SMCO4: variants seen among roughly 807,000 people sequenced by gnomAD.
SMCO4 encodes single-pass membrane and coiled-coil domain-containing protein 4.
A neutral mutation model predicts 3.6 loss-of-function variants in SMCO4; 4 were observed. That is an observed-to-expected ratio of 1.11 (90% CI 0.54 to 2.53). SMCO4 has a LOEUF of 2.53. SMCO4 is among the 30% of genes most tolerant of loss of function. The pLI is 0.02. For synonymous variants in SMCO4, 36 were observed against 35.3 expected, an observed-to-expected ratio of 1.02 and a Z score of -0.07; for missense variants, 70 against 80.8, an observed-to-expected ratio of 0.87 and a Z score of 0.51.
intron 1 of SMCO4, among the ~76,000 whole-genome samples, chr11:93,528,154 G>A (rs1362388811): frequency 6.6e-6 from 1 of 152,008 alleles, no homozygotes; most frequent in African/African-American, 2.4e-5. Flanking sequence ...ATCCAGAGAT[G>A]ACCACTAAAA....
chr11:93,520,471 C>T (rs372618574), intron 1 of SMCO4, among the ~76,000 whole-genome samples: 44 of 152,326 alleles, frequency 2.9e-4, no homozygotes, highest in East Asian at 2.7e-3. Context: ...CAAAGTCAAA[C>T]ACCTTGTTGG....
intron 1 of SMCO4, among the ~76,000 whole-genome samples, chr11:93,508,914 G>C (rs1434321319): frequency 1.3e-5 from 2 of 152,172 alleles, no homozygotes; most frequent in African/African-American, 2.4e-5. Flanking sequence ...CAGACCCACT[G>C]AGCAATGACC....
chr11:93,504,047 A>T (rs751612029), intron 1 of SMCO4, among the ~76,000 whole-genome samples: 5 of 152,238 alleles, frequency 3.3e-5, no homozygotes, highest in Admixed American at 2.0e-4. Flanking sequence ...CTGAAGAAGG[A>T]TTATGGGTAA....
intron 2 of SMCO4, among the ~76,000 whole-genome samples, chr11:93,482,041 T>C (rs1948597991): frequency 6.6e-6 from 1 of 152,252 alleles, no homozygotes; most frequent in South Asian, 2.1e-4. Context: ...CAGAAGTTCC[T>C]GGAGGCATGG....
At chr11:93,508,741 G>A (rs765023621) in intron 1 of SMCO4, among the ~76,000 whole-genome samples, 1 of 152,162 alleles carries the variant, frequency 6.6e-6, no homozygotes. Flanking sequence ...AAGATGAACA[G>A]AAGCAGTTAG....
intron 2 of SMCO4, among the ~76,000 whole-genome samples, chr11:93,490,859 G>T (rs1207408046): frequency 1.3e-5 from 2 of 152,222 alleles, no homozygotes; most frequent in Non-Finnish European, 2.9e-5. Flanking sequence ...ACCAAGCAGG[G>T]TCTGAAAGAC....
intron 1 of SMCO4, among the ~76,000 whole-genome samples, chr11:93,510,205 T>C (rs539106378): frequency 1.3e-5 from 2 of 152,296 alleles, no homozygotes; most frequent in East Asian, 3.9e-4. Flanking sequence ...CTGCAATTAG[T>C]ATCACCCTAG....
intron 1 of SMCO4, among the ~76,000 whole-genome samples, chr11:93,539,265 G>GA (rs1949253314): frequency 2.1e-5 from 3 of 143,302 alleles, no homozygotes; most frequent in African/African-American, 8.3e-5. Flanking sequence ...TGACTCAAGG[G>GA]TAAAAAAAAA....
intron 1 of SMCO4, among the ~76,000 whole-genome samples, chr11:93,519,903 A>G (rs1479438201): frequency 6.6e-6 from 1 of 152,220 alleles, no homozygotes; most frequent in Non-Finnish European, 1.5e-5. Flanking sequence ...TGCCAGACCT[A>G]TAGTCTGAAT....
chr11:93,547,537 T>C (rs952512999), upstream of SMCO4, among the ~76,000 whole-genome samples: 7 of 152,188 alleles, frequency 4.6e-5, no homozygotes, highest in Non-Finnish European at 1.0e-4. Context: ...CATATTCTCA[T>C]GTGTTTGTGT....
chr11:93,524,416 G>A (rs1270984790), intron 1 of SMCO4, among the ~76,000 whole-genome samples: 3 of 152,172 alleles, frequency 2.0e-5, no homozygotes, highest in South Asian at 2.1e-4. Context: ...CTTCTCGGTT[G>A]TGTTTTATGA....
chr11:93,516,250 TGAA>T (rs1949006916), intron 1 of SMCO4, among the ~76,000 whole-genome samples: 1 of 152,110 alleles, frequency 6.6e-6, no homozygotes. Context: ...GTAACACCCC[TGAA>T]GAAGGGAGAA....
At chr11:93,487,847 C>A (rs370994481) in intron 2 of SMCO4, among the ~76,000 whole-genome samples, 2 of 152,242 alleles carry the variant, frequency 1.3e-5, no homozygotes, top group Non-Finnish European at 2.9e-5. Context: ...GGGCAAGTAA[C>A]TTAACCTCTT....
intron 1 of SMCO4, among the ~76,000 whole-genome samples, chr11:93,501,891 C>T (rs1328827970): frequency 5.9e-5 from 9 of 151,996 alleles, no homozygotes; most frequent in South Asian, 2.1e-4. Context: ...GGCCAGATGA[C>T]GTCAAATGTA....
chr11:93,534,480 T>G (rs2134635959), intron 1 of SMCO4, among the ~76,000 whole-genome samples: 1 of 151,772 alleles, frequency 6.6e-6, no homozygotes, highest in East Asian at 1.9e-4. Flanking sequence ...TGCTGAGAGA[T>G]TTATAAACAT....
chr11:93,533,030 G>T (rs1949178364), intron 1 of SMCO4, among the ~76,000 whole-genome samples: 1 of 152,168 alleles, frequency 6.6e-6, no homozygotes, highest in Admixed American at 6.5e-5. Context: ...GGCAGGCAGG[G>T]GTGCTATACT....
chr11:93,499,508 G>A (rs1948813849), intron 1 of SMCO4, among the ~76,000 whole-genome samples, 160 bp from the exon 2 acceptor site: 2 of 152,214 alleles, frequency 1.3e-5, no homozygotes, highest in African/African-American at 4.8e-5. Flanking sequence ...CCCTGCTCCA[G>A]AAGGGCAGAC....
At chr11:93,481,564 A>G in intron 2 of SMCO4, 1 of 973,702 alleles carries the variant, frequency 1.0e-6, no homozygotes. Context: ...AGTCAGACAG[A>G]CAGGCTTTAT....
chr11:93,502,758 C>A (rs74436377), intron 1 of SMCO4, among the ~76,000 whole-genome samples: 1 of 152,082 alleles, frequency 6.6e-6, no homozygotes, highest in African/African-American at 2.4e-5. Context: ...GAAAAAGAAA[C>A]TTATCCAACA....
Sources: allele counts gnomAD v4.1 joint callset (sites outside exome capture counted in the v4.1 genomes callset), GRCh38; gene constraint gnomAD v4.1.1; transcripts MANE v1.5; gene names NCBI Gene and HGNC (gene_info 2026-07-23, HGNC 2026-07-21).